SLC38A4: variants seen among roughly 807,000 people sequenced by gnomAD.
SLC38A4 encodes the protein solute carrier family 38 member 4, also known as sodium-coupled neutral amino acid transporter 4.
Under a neutral mutation model 63.1 loss-of-function variants are expected in SLC38A4, and 20 were observed. The observed-to-expected ratio is 0.32, with a 90% CI of 0.22 to 0.46. The LOEUF is 0.46. SLC38A4 is among the 20% of genes least tolerant of loss of function. The pLI is 1.00. For missense variants in SLC38A4, 526 were observed against 663.6 expected, an observed-to-expected ratio of 0.79 and a Z score of 2.28; for synonymous variants, 230 against 225.5, an observed-to-expected ratio of 1.02 and a Z score of -0.18.
intron 1 of SLC38A4, among the ~76,000 whole-genome samples, chr12:46,831,808 C>T (rs948995042): frequency 2.7e-5 from 4 of 149,226 alleles, no homozygotes; most frequent in African/African-American, 5.2e-5. Flanking sequence ...AGCAGGATCC[C>T]GGGCGGTCGC....
chr12:46,814,881 G>T (rs1057413472), intron 1 of SLC38A4, among the ~76,000 whole-genome samples: 4 of 151,788 alleles, frequency 2.6e-5, no homozygotes, highest in Admixed American at 6.6e-5. Context: ...TTAATTTGAG[G>T]TTAACCTGGC....
chr12:46,816,822 A>G (rs1939450672), intron 1 of SLC38A4, among the ~76,000 whole-genome samples: 1 of 151,958 alleles, frequency 6.6e-6, no homozygotes, highest in African/African-American at 2.4e-5. Flanking sequence ...AAATATATGC[A>G]TATATATTAG....
chr12:46,780,658 A>G (rs1284110492), intron 7 of SLC38A4, among the ~76,000 whole-genome samples: 1 of 151,798 alleles, frequency 6.6e-6, no homozygotes, highest in Non-Finnish European at 1.5e-5. Context: ...CTAAGGAATT[A>G]TATAAAGTGG....
chr12:46,822,740 T>A (rs1939575746), intron 1 of SLC38A4, among the ~76,000 whole-genome samples: 1 of 152,186 alleles, frequency 6.6e-6, no homozygotes, highest in Non-Finnish European at 1.5e-5. Flanking sequence ...AGTTTGACCT[T>A]GGAAACAACA....
Position 46,775,117 on chromosome 12 carries a change from G to C in SLC38A4, c.1231C>G (p.Pro411Ala), listed in dbSNP as rs141241419. The change falls in exon 14 of 17, where the codon CCT (proline) becomes GCT (alanine). Residue 411 changes from proline (P) to alanine (A), a missense_variant. Transcript: ENST00000266579. ...AYSKVYTLDI[P>A]LLMVRLAVLV... ...ACTGCCAGGCGAACCATGAGAAGAG[G>C]GATGTCTAATGTATACACTTTGCTG... The C allele has an allele frequency of 3.0e-4, 486 of 1,612,780 alleles. 3 individuals are homozygous for C. The African/African-American group carries it at 5.8e-3, about 19-fold the overall frequency.
Position 46,766,312 on chromosome 12 carries a change from T to A in SLC38A4, c.*389A>T, listed in dbSNP as rs576342712. Reference sequence around the variant, plus strand: ...GCCACCAGGGCATTTTTGTTTGATGTTCTGAGAATGCAAATGTTTGGTACT... The same window carrying A: ...GCCACCAGGGCATTTTTGTTTGATGATCTGAGAATGCAAATGTTTGGTACT... On this transcript the variant is annotated 3_prime_UTR_variant, in exon 17 of 17. Coordinates refer to ENST00000266579, the MANE Select transcript of SLC38A4 (RefSeq NM_018018.5). 13 of 446,942 alleles carry A rather than the reference T, an allele frequency of 2.9e-5. No homozygotes were observed. Among genetic ancestry groups the A allele is most frequent in the South Asian group, 1.9e-4 (12 of 63,586 alleles). The allele number at this position is 446,942 out of a possible 1,614,324, so 27.7% of individuals were successfully genotyped here. A position where few individuals can be genotyped will look rare whatever the true frequency, so the allele number is the denominator to read the frequency against.
In SLC38A4 at chr12:46,769,408, T is replaced by C; in HGVS notation, c.1320A>G (p.Thr440=). The change falls in exon 15 of 17, where the codon ACA becomes ACG. Residue 440 remains threonine, a synonymous_variant. Transcript: ENST00000266579. Reference sequence around the variant, plus strand: ...TGAAGGGTCGTTTGGGAAATAACAGTGTGATCACTGATGTACGAATCTTAA... The same window carrying C: ...TGAAGGGTCGTTTGGGAAATAACAGCGTGATCACTGATGTACGAATCTTAA... The part of the protein sequence containing the change: ...VLFPIRTSVI[T]LLFPKRPFSW... 1.2e-6 allele frequency: 2 copies of C among 1,613,356 alleles called. No individual in the cohort carries two copies. Among genetic ancestry groups the C allele is most frequent in the Non-Finnish European group, 1.7e-6 (2 of 1,179,460 alleles).
intron 2 of SLC38A4, among the ~76,000 whole-genome samples, chr12:46,801,651 T>G (rs1407632375): frequency 1.3e-5 from 2 of 152,214 alleles, no homozygotes; most frequent in South Asian, 2.1e-4. Context: ...AGCCAAATCA[T>G]CTTGTATCCA....
intron 5 of SLC38A4, among the ~76,000 whole-genome samples, 178 bp from the exon 6 acceptor site, chr12:46,785,355 G>A (rs569334792): frequency 3.3e-5 from 5 of 151,294 alleles, no homozygotes; most frequent in South Asian, 2.1e-4. Context: ...CTTTAAAGTC[G>A]TAGAAATAGA....
At chr12:46,786,015 G>C (rs1938754879) in intron 5 of SLC38A4, among the ~76,000 whole-genome samples, 1 of 151,900 alleles carries the variant, frequency 6.6e-6, no homozygotes, top group African/African-American at 2.4e-5. Flanking sequence ...AATTCCCAAT[G>C]AAATCAATAC....
intron 2 of SLC38A4, among the ~76,000 whole-genome samples, chr12:46,802,857 G>C (rs1325167385): frequency 1.3e-5 from 2 of 151,722 alleles, no homozygotes; most frequent in African/African-American, 2.4e-5. Flanking sequence ...CAAAGTACAG[G>C]GATACTTAAA....
At chr12:46,784,670 T>A (rs1342642274) in intron 6 of SLC38A4, 36 bp from the exon 7 acceptor site, 2 of 1,513,690 alleles carry the variant, frequency 1.3e-6, no homozygotes, top group East Asian at 4.5e-5. Flanking sequence ...GTTAAAGAGA[T>A]TGTTTTAATG....
chr12:46,830,318 A>T (rs940809668), upstream of SLC38A4, among the ~76,000 whole-genome samples: 1 of 151,970 alleles, frequency 6.6e-6, no homozygotes, highest in African/African-American at 2.4e-5. Context: ...ACACACACAC[A>T]CACACACACA....
At chr12:46,770,894 A>G (rs947697884) in intron 14 of SLC38A4, among the ~76,000 whole-genome samples, 3 of 152,122 alleles carry the variant, frequency 2.0e-5, no homozygotes, top group Admixed American at 1.3e-4. Context: ...TAAAAGAGAG[A>G]AAATGTAAAA....
At chr12:46,810,974 A>C (rs1939329495) in intron 1 of SLC38A4, among the ~76,000 whole-genome samples, 1 of 152,034 alleles carries the variant, frequency 6.6e-6, no homozygotes, top group Non-Finnish European at 1.5e-5. Context: ...AATAGGAAAA[A>C]AATGATTGTT....
chr12:46,772,002 A>T (rs74084175), intron 14 of SLC38A4, among the ~76,000 whole-genome samples: 2,271 of 152,076 alleles, frequency 0.015, 56 homozygotes, highest in African/African-American at 0.052. Flanking sequence ...TAGAGACAAC[A>T]TCTGTTATTT....
chr12:46,804,589 C>G (rs550810736), intron 1 of SLC38A4, among the ~76,000 whole-genome samples: 4 of 151,918 alleles, frequency 2.6e-5, no homozygotes, highest in Non-Finnish European at 5.9e-5. Flanking sequence ...ATTCCTATTT[C>G]TATAAAAGAA....
At chr12:46,779,553 A>T in intron 10 of SLC38A4, 58 bp downstream of exon 10, 1 of 1,343,474 alleles carries the variant, frequency 7.4e-7, no homozygotes, top group Non-Finnish European at 1.0e-6. Context: ...ACACTAATTT[A>T]GGCACAAAAA....
intron 1 of SLC38A4, among the ~76,000 whole-genome samples, chr12:46,831,445 G>A (rs940683861): frequency 6.6e-6 from 1 of 152,094 alleles, no homozygotes; most frequent in South Asian, 2.1e-4. Context: ...CGGTTGCCGC[G>A]ACCCCACTAT....
Sources: allele counts gnomAD v4.1 joint callset (sites outside exome capture counted in the v4.1 genomes callset), GRCh38; gene constraint gnomAD v4.1.1; transcripts MANE v1.5; gene names NCBI Gene and HGNC (gene_info 2026-07-23, HGNC 2026-07-21).